The following PDSS2 variants were observed in gnomAD, a reference collection of about 807,000 sequenced individuals.
PDSS2 encodes the protein all trans-polyprenyl-diphosphate synthase PDSS2.
A neutral mutation model predicts 44.5 loss-of-function variants in PDSS2; 31 were observed. That is an observed-to-expected ratio of 0.70 (90% CI 0.52 to 0.94). The LOEUF is 0.94. Among genes scored for constraint, PDSS2 ranks in the 40% least tolerant of loss-of-function variants. The pLI is 0.00. For synonymous variants in PDSS2, 157 were observed against 180.3 expected, an observed-to-expected ratio of 0.87 and a Z score of 1.03; for missense variants, 452 against 482.2, an observed-to-expected ratio of 0.94 and a Z score of 0.59.
At chr6:107,365,248 T>G (rs528450373) in intron 1 of PDSS2, among the ~76,000 whole-genome samples, 7 of 152,192 alleles carry the variant, frequency 4.6e-5, no homozygotes, top group Non-Finnish European at 1.0e-4. Flanking sequence ...AATAGAGATA[T>G]ATTGGAGCAA....
intron 7 of PDSS2, among the ~76,000 whole-genome samples, chr6:107,170,472 G>C (rs1283821406): frequency 6.6e-6 from 1 of 152,172 alleles, no homozygotes; most frequent in Non-Finnish European, 1.5e-5. Flanking sequence ...TCGGTGCACT[G>C]CACCCACTGT....
intron 7 of PDSS2, among the ~76,000 whole-genome samples, chr6:107,184,922 A>G (rs1772110018): frequency 6.6e-6 from 1 of 152,072 alleles, no homozygotes; most frequent in Admixed American, 6.6e-5. Flanking sequence ...AAAAACCAGC[A>G]AAAACCTCCC....
At chr6:107,455,323 A>C (rs1367999920) in intron 1 of PDSS2, among the ~76,000 whole-genome samples, 1 of 151,166 alleles carries the variant, frequency 6.6e-6, no homozygotes, top group Non-Finnish European at 1.5e-5. Flanking sequence ...CACATTAATA[A>C]GGCTCTTTTT....
rs149372030 is a variant in PDSS2, at chr6:107,372,919, T to C, written c.297-38587A>G. ...GTTTCTCAATGTATACAGGTAATTA[T>C]AGAAGAGTGCCAAAACTAAACCTAC... is the stretch of plus-strand genomic sequence containing the variant. On this transcript the variant is annotated intron_variant, in intron 1 of 7. Coordinates refer to ENST00000369037, the MANE Select transcript of PDSS2 (RefSeq NM_020381.4). Among the ~76,000 whole-genome samples, 403 of 152,180 alleles carry C rather than the reference T, an allele frequency of 2.6e-3. 1 individual carries two copies. Among genetic ancestry groups the C allele is most frequent in the African/African-American group, 9.0e-3 (374 of 41,536 alleles).
chr6:107,418,660 A>G (rs1780737290), intron 1 of PDSS2, among the ~76,000 whole-genome samples: 1 of 152,154 alleles, frequency 6.6e-6, no homozygotes, highest in African/African-American at 2.4e-5. Flanking sequence ...CTGTAGTCCC[A>G]GCTACTCGGG....
chr6:107,269,340 C>CTGTG (rs58803876), intron 3 of PDSS2, among the ~76,000 whole-genome samples: 11,876 of 143,154 alleles, frequency 0.083, 541 homozygotes, highest in African/African-American at 0.11. Context: ...TTTCGTGTGT[C>CTGTG]TGTGTGTGTG....
chr6:107,261,792 T>C (rs1775238188), intron 3 of PDSS2, among the ~76,000 whole-genome samples: 1 of 151,234 alleles, frequency 6.6e-6, no homozygotes, highest in African/African-American at 2.4e-5. Flanking sequence ...TTGGCCAGGC[T>C]GGTCTCGAAC....
At chr6:107,357,050 C>T (rs113762754) in intron 1 of PDSS2, among the ~76,000 whole-genome samples, 45 of 152,124 alleles carry the variant, frequency 3.0e-4, no homozygotes, top group African/African-American at 9.2e-4. Flanking sequence ...AACAAACAGC[C>T]TATTAAAGAG....
At chr6:107,202,243 T>C (rs1772805166) in intron 6 of PDSS2, among the ~76,000 whole-genome samples, 1 of 152,110 alleles carries the variant, frequency 6.6e-6, no homozygotes, top group African/African-American at 2.4e-5. Flanking sequence ...TCTTGCTATG[T>C]TGCCTAGCTG....
chr6:107,396,140 T>C lies in PDSS2; in HGVS notation c.297-61808A>G, dbSNP rs148542520. ...CTCCTCAATAACTTTTTCTAAGAAG[T>C]TGTTTTTGCACACTCCATGGAATTT... On this transcript the variant is annotated intron_variant, in intron 1 of 7. Coordinates refer to ENST00000369037, the MANE Select transcript of PDSS2 (RefSeq NM_020381.4). Among the ~76,000 whole-genome samples, 250 of 152,338 alleles carry C rather than the reference T, an allele frequency of 1.6e-3. 6 individuals are homozygous for C. The East Asian group carries it at 0.031, about 19-fold the overall frequency.
intron 2 of PDSS2, among the ~76,000 whole-genome samples, chr6:107,300,557 C>T (rs1413162242): frequency 6.6e-6 from 1 of 152,084 alleles, no homozygotes; most frequent in Non-Finnish European, 1.5e-5. Context: ...AAAGGGCTCA[C>T]TAAAATACCA....
chr6:107,176,160 G>A (rs1251096552), intron 7 of PDSS2, among the ~76,000 whole-genome samples: 2 of 151,990 alleles, frequency 1.3e-5, no homozygotes, highest in Non-Finnish European at 2.9e-5. Flanking sequence ...TTCTGCCTCA[G>A]CCTCCCCAGT....
At chr6:107,331,244 T>G (rs1777700835) in intron 2 of PDSS2, among the ~76,000 whole-genome samples, 1 of 152,166 alleles carries the variant, frequency 6.6e-6, no homozygotes, top group Non-Finnish European at 1.5e-5. Flanking sequence ...ATTAATGGTT[T>G]CTCATAGCAC....
intron 1 of PDSS2, among the ~76,000 whole-genome samples, chr6:107,401,279 C>G (rs1780098125): frequency 6.6e-6 from 1 of 152,162 alleles, no homozygotes; most frequent in African/African-American, 2.4e-5. Context: ...ACTACTACAA[C>G]TGGCATTTGA....
intron 4 of PDSS2, among the ~76,000 whole-genome samples, chr6:107,238,980 A>G (rs1774324729): frequency 6.6e-6 from 1 of 152,164 alleles, no homozygotes; most frequent in African/African-American, 2.4e-5. Context: ...TAATTTAGTA[A>G]AGAAAACTGG....
At chr6:107,421,335 C>T (rs1381381029) in intron 1 of PDSS2, among the ~76,000 whole-genome samples, 1 of 152,096 alleles carries the variant, frequency 6.6e-6, no homozygotes, top group African/African-American at 2.4e-5. Context: ...AATCACACTC[C>T]CAAGCTTTTA....
At chr6:107,262,516 A>G (rs1775273357) in intron 3 of PDSS2, among the ~76,000 whole-genome samples, 1 of 152,082 alleles carries the variant, frequency 6.6e-6, no homozygotes, top group South Asian at 2.1e-4. Flanking sequence ...TCACACCTGT[A>G]ATCCCAGCAT....
intron 5 of PDSS2, among the ~76,000 whole-genome samples, chr6:107,211,497 C>T (rs914040055): frequency 6.6e-6 from 1 of 151,152 alleles, no homozygotes; most frequent in Non-Finnish European, 1.5e-5. Context: ...TTTGGGAGGC[C>T]AAGGCGGGCA....
At chr6:107,415,355 C>T (rs1048137575) in intron 1 of PDSS2, among the ~76,000 whole-genome samples, 1 of 151,964 alleles carries the variant, frequency 6.6e-6, no homozygotes, top group Non-Finnish European at 1.5e-5. Context: ...TGCAGAAGTT[C>T]CAGGTCCCTT....
Sources: allele counts gnomAD v4.1 joint callset (sites outside exome capture counted in the v4.1 genomes callset), GRCh38; gene constraint gnomAD v4.1.1; transcripts MANE v1.5; gene names NCBI Gene and HGNC (gene_info 2026-07-23, HGNC 2026-07-21).